LY96: variants seen among roughly 807,000 people sequenced by gnomAD.
LY96 encodes lymphocyte antigen 96.
In LY96, 18 loss-of-function variants were observed where a neutral mutation model predicts 18.9. The ratio of observed to expected loss-of-function variants is 0.95; its 90% CI spans 0.66 to 1.41. The LOEUF is 1.41. LY96 is among the 40% of genes most tolerant of loss of function. The pLI, the probability that LY96 is intolerant of heterozygous loss-of-function variation, is 0.00. For synonymous variants in LY96, 66 were observed against 62.6 expected, an observed-to-expected ratio of 1.06 and a Z score of -0.26; for missense variants, 175 against 182.4, an observed-to-expected ratio of 0.96 and a Z score of 0.23.
chr8:73,992,707 G>A (rs1046775235), intron 1 of LY96, among the ~76,000 whole-genome samples: 61 of 152,216 alleles, frequency 4.0e-4, no homozygotes, highest in African/African-American at 9.6e-4. Flanking sequence ...CCCTCCAAAC[G>A]TATGTCTAAA....
chr8:74,026,939 TC>T, intron 4 of LY96, 98 bp downstream of exon 4: 1 of 689,306 alleles, frequency 1.5e-6, no homozygotes. Context: ...CCTTTTTCTT[TC>T]TTTTTTTTTT....
chr8:74,062,785 T>TC, the LY96 span, among the ~76,000 whole-genome samples: 497 of 152,302 alleles, frequency 3.3e-3, 1 homozygote, highest in Non-Finnish European at 5.9e-3. Context: ...AATGAGTTAG[T>TC]CGCATGACTA....
At chr8:74,097,587 T>C in the LY96 span, among the ~76,000 whole-genome samples, 2 of 152,210 alleles carry the variant, frequency 1.3e-5, no homozygotes, top group Admixed American at 1.3e-4. Flanking sequence ...TGTGTGACTG[T>C]AGTCCCAGCT....
chr8:74,029,969 A>G (rs1033734127), downstream of LY96, among the ~76,000 whole-genome samples: 1 of 152,134 alleles, frequency 6.6e-6, no homozygotes, highest in Admixed American at 6.5e-5. Context: ...TTCCTTTAGA[A>G]ATTACCCAGT....
Position 73,996,372 on chromosome 8 carries a change from C to CTTTCTTTCTTTCTTTCTTTCTTT in LY96, c.112+4818_112+4819insTTTCTTTCTTTCTTTCTTTCTTT, listed in dbSNP as rs756373007. Among the ~76,000 whole-genome samples, 4 of 110,910 alleles carry CTTTCTTTCTTTCTTTCTTTCTTT rather than the reference C, an allele frequency of 3.6e-5. No homozygotes were observed. The Admixed American group carries it at 3.8e-4, about 10-fold the overall frequency. 72.8% of individuals were successfully genotyped at this position (110,910 alleles called of 152,430 possible). On this transcript the variant is annotated intron_variant, in intron 1 of 4. Coordinates refer to ENST00000284818, the MANE Select transcript of LY96 (RefSeq NM_015364.5). ...TCCTTCCTTCCTTCCTTCCTTCATTCCTTTCTTTCTTTCTTTCTTTCTTTC... is the reference window on the plus strand; with the variant it reads ...TCCTTCCTTCCTTCCTTCCTTCATTCTTTCTTTCTTTCTTTCTTTCTTTCTTTCTTTCTTTCTTTCTTTCTTTC...
the LY96 span, among the ~76,000 whole-genome samples, chr8:74,095,659 ACT>A: frequency 2.0e-5 from 3 of 151,780 alleles, no homozygotes; most frequent in African/African-American, 7.3e-5. Context: ...GACTTCCAAG[ACT>A]CTGCACTTTC....
At chr8:74,053,492 C>T in the LY96 span, among the ~76,000 whole-genome samples, 1 of 152,180 alleles carries the variant, frequency 6.6e-6, no homozygotes, top group African/African-American at 2.4e-5. Context: ...CTGACTTCTG[C>T]CTGCAACTTC....
At chr8:74,033,900 C>CT (rs59809614), downstream of LY96, among the ~76,000 whole-genome samples, 41,084 of 145,732 alleles carry the variant, frequency 0.28, 6,871 homozygotes, top group African/African-American at 0.49. Flanking sequence ...CAATTGGAGA[C>CT]TTTTTTTTTT....
At chr8:74,095,076 A>G in the LY96 span, among the ~76,000 whole-genome samples, 1 of 152,226 alleles carries the variant, frequency 6.6e-6, no homozygotes, top group Non-Finnish European at 1.5e-5. Flanking sequence ...TGTGGCAGCA[A>G]TATCAAAGCC....
intron 1 of LY96, among the ~76,000 whole-genome samples, chr8:74,003,679 C>T (rs1002873917): frequency 8.5e-5 from 13 of 152,136 alleles, no homozygotes; most frequent in Non-Finnish European, 1.5e-5. Context: ...TTTCCTCTCC[C>T]TATGTTGAGG....
At chr8:74,000,199 G>A (rs545555444) in intron 1 of LY96, among the ~76,000 whole-genome samples, 8 of 152,132 alleles carry the variant, frequency 5.3e-5, no homozygotes, top group East Asian at 1.9e-4. Context: ...TTTCGTTATC[G>A]AATTTTACTA....
chr8:74,013,005 A>G (rs1290800845), intron 3 of LY96, among the ~76,000 whole-genome samples: 2 of 152,074 alleles, frequency 1.3e-5, no homozygotes, highest in African/African-American at 4.8e-5. Context: ...CACCCAGATT[A>G]GAGTGCAGTG....
the LY96 span, among the ~76,000 whole-genome samples, chr8:74,063,357 A>G: frequency 3.3e-5 from 5 of 152,168 alleles, no homozygotes; most frequent in African/African-American, 9.7e-5. Flanking sequence ...ACTCAAGGAG[A>G]GGAGAATTAG....
chr8:74,061,543 GTGAGA>G, the LY96 span, among the ~76,000 whole-genome samples: 1 of 152,192 alleles, frequency 6.6e-6, no homozygotes, highest in Admixed American at 6.5e-5. Context: ...GAATAAGTGT[GTGAGA>G]TCTGTTGCAC....
the LY96 span, among the ~76,000 whole-genome samples, chr8:74,037,897 A>G: frequency 6.6e-6 from 1 of 152,076 alleles, no homozygotes; most frequent in East Asian, 1.9e-4. Flanking sequence ...GAGTTTTCCC[A>G]TTGCTTTCAG....
chr8:74,076,098 G>A, the LY96 span, among the ~76,000 whole-genome samples: 758 of 152,158 alleles, frequency 5.0e-3, 11 homozygotes, highest in Admixed American at 6.0e-3. Context: ...GAGTCGCTTG[G>A]AGAAGGGTGT....
chr8:74,054,624 C>CTT, the LY96 span, among the ~76,000 whole-genome samples: 2 of 89,136 alleles, frequency 2.2e-5, no homozygotes, highest in Non-Finnish European at 4.0e-5. Context: ...TTCCTTCTTT[C>CTT]TTTCTTTCTT....
At chr8:74,061,217 G>A in the LY96 span, among the ~76,000 whole-genome samples, 1 of 152,216 alleles carries the variant, frequency 6.6e-6, no homozygotes, top group East Asian at 1.9e-4. Flanking sequence ...GATGGTTTTA[G>A]GAGGTGGGGC....
intron 1 of LY96, among the ~76,000 whole-genome samples, chr8:73,993,174 A>T (rs937802918): frequency 5.3e-5 from 8 of 151,726 alleles, no homozygotes; most frequent in Non-Finnish European, 8.8e-5. Flanking sequence ...GCCACTCTTT[A>T]TATGGTTTTT....
Sources: allele counts gnomAD v4.1 joint callset (sites outside exome capture counted in the v4.1 genomes callset), GRCh38; gene constraint gnomAD v4.1.1; transcripts MANE v1.5; gene names NCBI Gene and HGNC (gene_info 2026-07-23, HGNC 2026-07-21).